The following MTUS2 variants were observed in gnomAD, a reference collection of about 807,000 sequenced individuals.
The protein encoded by MTUS2 is microtubule-associated tumor suppressor candidate 2.
In MTUS2, 40 loss-of-function variants were observed where a neutral mutation model predicts 114.1. The ratio of observed to expected loss-of-function variants is 0.35; its 90% CI spans 0.27 to 0.46. MTUS2 has a LOEUF of 0.46. Ranked by LOEUF, MTUS2 falls within the 20% of genes least tolerant of loss-of-function variation. MTUS2 has a pLI of 1.00. For missense variants in MTUS2, 1,679 were observed against 1,705.4 expected (o/e 0.98, Z 0.27); for synonymous variants, 688 against 672.0 (o/e 1.02, Z -0.37).
At chr13:29,098,980 G>C (rs1197957372) in intron 4 of MTUS2, among the ~76,000 whole-genome samples, 1 of 152,170 alleles carries the variant, frequency 6.6e-6, no homozygotes, top group Non-Finnish European at 1.5e-5. Flanking sequence ...ACTTATTGTT[G>C]AAATTACATC....
At chr13:29,422,682 A>G (rs3125721) in intron 8 of MTUS2, among the ~76,000 whole-genome samples, 133,418 of 134,968 alleles carry the variant, frequency 0.99, 65,964 homozygotes, top group East Asian at 1. Context: ...TTGAGATGGA[A>G]TCTGGCCCTG....
intron 5 of MTUS2, among the ~76,000 whole-genome samples, chr13:29,277,010 A>G (rs1898091659): frequency 1.3e-5 from 2 of 152,202 alleles, no homozygotes; most frequent in African/African-American, 4.8e-5. Context: ...TCTTCTCCCT[A>G]CTTCATACCC....
intron 7 of MTUS2, among the ~76,000 whole-genome samples, chr13:29,345,980 T>C (rs1868638123): frequency 6.6e-6 from 1 of 152,028 alleles, no homozygotes; most frequent in East Asian, 1.9e-4. Flanking sequence ...TACTGGGGAG[T>C]ATCTGCAAAG....
chr13:29,230,210 C>T (rs141057118), intron 5 of MTUS2, among the ~76,000 whole-genome samples: 2,737 of 152,180 alleles, frequency 0.018, 96 homozygotes, highest in African/African-American at 0.062. Flanking sequence ...CACGCCACTG[C>T]GCCCCAGCCT....
chr13:29,487,296 G>A (rs1881692405), intron 10 of MTUS2, among the ~76,000 whole-genome samples: 1 of 152,176 alleles, frequency 6.6e-6, no homozygotes, highest in Non-Finnish European at 1.5e-5. Context: ...AAAGAGCCTC[G>A]CCTTTGGAGT....
chr13:29,346,489 G>C (rs1004462846), intron 7 of MTUS2, among the ~76,000 whole-genome samples: 30 of 151,742 alleles, frequency 2.0e-4, no homozygotes, highest in African/African-American at 7.3e-4. Flanking sequence ...CTGGGGGAAA[G>C]CTGGCAGTGA....
At chr13:29,233,726 G>A (rs547070589) in intron 5 of MTUS2, among the ~76,000 whole-genome samples, 2 of 152,070 alleles carry the variant, frequency 1.3e-5, no homozygotes, top group East Asian at 1.9e-4. Context: ...CCATGATTTC[G>A]AAAAGGGAGA....
rs146100809 is a variant in MTUS2 at position 29,048,372 on chromosome 13, C to T, written c.2446+14247C>T. The stretch of plus-strand genomic sequence containing the variant: ...TCAGTTTCAATTGATTGCATCTTCT[C>T]ATTATGGGTTGTATAACCCTGCTTG... On this transcript the variant is annotated intron_variant, in intron 4 of 15. Coordinates refer to ENST00000612955, the MANE Select transcript of MTUS2 (RefSeq NM_001033602.4). Among the ~76,000 whole-genome samples the T allele has an allele frequency of 1.7e-3, 264 of 152,336 alleles. 1 individual carries two copies. Among genetic ancestry groups the T allele is most frequent in the African/African-American group, 6.1e-3 (252 of 41,574 alleles).
At chr13:29,374,186 C>T (rs1302101180) in intron 8 of MTUS2, among the ~76,000 whole-genome samples, 2 of 152,098 alleles carry the variant, frequency 1.3e-5, no homozygotes, top group African/African-American at 4.8e-5. Flanking sequence ...AAGAACAGAG[C>T]CTCAGAAACC....
intron 5 of MTUS2, among the ~76,000 whole-genome samples, chr13:29,225,414 T>C (rs1566077299): frequency 6.6e-6 from 1 of 152,236 alleles, no homozygotes. Context: ...TATTGTAAGA[T>C]TTTCCTATCA....
intron 8 of MTUS2, among the ~76,000 whole-genome samples, chr13:29,389,161 ATTGTT>A (rs1177485965): frequency 1.1e-4 from 16 of 150,666 alleles, no homozygotes; most frequent in Admixed American, 4.6e-4. Flanking sequence ...GAAACCAAAG[ATTGTT>A]TTGACTATAT....
chr13:29,390,927 C>T (rs1017057288), intron 8 of MTUS2, among the ~76,000 whole-genome samples: 7 of 151,852 alleles, frequency 4.6e-5, no homozygotes, highest in Non-Finnish European at 7.4e-5. Context: ...GGACTACAGG[C>T]GCACACCACT....
chr13:29,339,679 G>C (rs1901284560), intron 7 of MTUS2: 1 of 184,462 alleles, frequency 5.4e-6, no homozygotes, highest in Non-Finnish European at 1.1e-5. Flanking sequence ...GCGGTGGCCT[G>C]TTGGGAAAGT....
At chr13:28,906,350 G>T (rs1040422141) in intron 2 of MTUS2, among the ~76,000 whole-genome samples, 5 of 150,900 alleles carry the variant, frequency 3.3e-5, no homozygotes, top group African/African-American at 1.2e-4. Context: ...TGATGTTAGG[G>T]TGTCAATTTT....
intron 4 of MTUS2, among the ~76,000 whole-genome samples, chr13:29,050,091 A>G (rs1404537436): frequency 1.3e-5 from 2 of 151,862 alleles, no homozygotes; most frequent in Non-Finnish European, 2.9e-5. Flanking sequence ...CAGAGTCTCC[A>G]CCTCCCTATT....
At chr13:29,189,560 G>GA (rs1037906836) in intron 5 of MTUS2, among the ~76,000 whole-genome samples, 1 of 151,118 alleles carries the variant, frequency 6.6e-6, no homozygotes, top group Non-Finnish European at 1.5e-5. Context: ...AAATGAACCA[G>GA]AAAAAAAAGA....
intron 5 of MTUS2, among the ~76,000 whole-genome samples, chr13:29,121,781 C>T (rs141239342): frequency 2.5e-4 from 38 of 152,038 alleles, no homozygotes; most frequent in African/African-American, 8.9e-4. Flanking sequence ...CTCAGCCTTC[C>T]GAGTAGGTGG....
At chr13:29,423,040 T>A (rs917050924) in intron 8 of MTUS2, among the ~76,000 whole-genome samples, 1 of 152,214 alleles carries the variant, frequency 6.6e-6, no homozygotes, top group Non-Finnish European at 1.5e-5. Context: ...CTGGAGAATT[T>A]TTATTCAGAG....
intron 4 of MTUS2, among the ~76,000 whole-genome samples, chr13:29,035,372 A>T (rs1430536564): frequency 6.6e-6 from 1 of 152,150 alleles, no homozygotes; most frequent in Non-Finnish European, 1.5e-5. Context: ...AGGCTCTGGG[A>T]CAATGAGAGG....
Sources: gnomAD v4.1 joint callset for allele counts (sites outside exome capture counted in the v4.1 genomes callset) on GRCh38, gnomAD v4.1.1 for gene constraint, MANE v1.5 for transcripts, NCBI Gene and HGNC (gene_info 2026-07-23, HGNC 2026-07-21) for gene names.